LINGO2: variants seen among roughly 807,000 people sequenced by gnomAD.
LINGO2 encodes the protein leucine-rich repeat and immunoglobulin-like domain-containing nogo receptor-interacting protein 2.
A neutral mutation model predicts 30.6 loss-of-function variants in LINGO2; 14 were observed. The ratio of observed to expected loss-of-function variants is 0.46; its 90% CI spans 0.30 to 0.72. The LOEUF (loss-of-function observed/expected upper bound fraction) is 0.72. Among genes scored for constraint, LINGO2 ranks in the 30% least tolerant of loss-of-function variants. The pLI is 0.07. For synonymous variants in LINGO2, 317 were observed against 288.5 expected (o/e 1.10, Z -1.00); for missense variants, 729 against 751.7 (o/e 0.97, Z 0.35).
the LINGO2 span, among the ~76,000 whole-genome samples, chr9:28,846,188 T>C: frequency 1.6e-4 from 25 of 151,680 alleles, no homozygotes; most frequent in Admixed American, 8.5e-4. Flanking sequence ...CATTCTCACA[T>C]TGGCTTAAGT....
At chr9:28,720,838 T>A in the LINGO2 span, among the ~76,000 whole-genome samples, 1 of 151,916 alleles carries the variant, frequency 6.6e-6, no homozygotes, top group African/African-American at 2.4e-5. Flanking sequence ...AAGCACAGGT[T>A]TTTGCAATAT....
the LINGO2 span, among the ~76,000 whole-genome samples, chr9:28,730,110 C>T: frequency 6.6e-6 from 1 of 152,052 alleles, no homozygotes; most frequent in Non-Finnish European, 1.5e-5. Context: ...CAGACATATT[C>T]TCAAAAATGT....
At chr9:28,331,863 C>A (rs559352753) in intron 3 of LINGO2, among the ~76,000 whole-genome samples, 4 of 152,130 alleles carry the variant, frequency 2.6e-5, no homozygotes, top group Non-Finnish European at 4.4e-5. Context: ...TTGCTGATCA[C>A]CTTGCACATG....
At chr9:28,039,978 C>G (rs1222585443) in intron 4 of LINGO2, among the ~76,000 whole-genome samples, 8 of 152,122 alleles carry the variant, frequency 5.3e-5, no homozygotes, top group Non-Finnish European at 1.2e-4. Context: ...TCTTTGAAAA[C>G]AAACTATTAA....
chr9:28,596,014 G>A (rs1390601565), intron 1 of LINGO2, among the ~76,000 whole-genome samples: 2 of 152,106 alleles, frequency 1.3e-5, no homozygotes, highest in Non-Finnish European at 2.9e-5. Flanking sequence ...GTGAATACAT[G>A]TAAAACTAAA....
At position 28,054,375 on chromosome 9, in the gene LINGO2, C is replaced by T. The variant is rs558812092; in HGVS notation, c.-86-41970G>A. ...CTTTTACTTAGATGCTACAAGATGC[C>T]GAAAGATCAGTAGTAGCTGATGAGA... On this transcript the variant is annotated intron_variant, in intron 4 of 5. Transcript: ENST00000379992. Among the ~76,000 whole-genome samples, 192 of 152,072 alleles carry T rather than the reference C, an allele frequency of 1.3e-3. 1 individual carries two copies. Among genetic ancestry groups the T allele is most frequent in the African/African-American group, 4.5e-3 (187 of 41,478 alleles).
At chr9:29,049,232 C>T in the LINGO2 span, among the ~76,000 whole-genome samples, 1 of 152,148 alleles carries the variant, frequency 6.6e-6, no homozygotes, top group Non-Finnish European at 1.5e-5. Context: ...CATCATTGGT[C>T]ATTAGAGAAA....
At chr9:27,974,031 T>TG (rs1189552218) in intron 5 of LINGO2, among the ~76,000 whole-genome samples, 1 of 152,184 alleles carries the variant, frequency 6.6e-6, no homozygotes, top group Non-Finnish European at 1.5e-5. Context: ...TGGTGTTATA[T>TG]GGAGAGTCAG....
the LINGO2 span, among the ~76,000 whole-genome samples, chr9:28,969,067 A>G: frequency 6.6e-6 from 1 of 152,208 alleles, no homozygotes. Context: ...AAAATCATTA[A>G]AGAAAAAAAT....
At chr9:28,305,229 A>G (rs985930258) in intron 3 of LINGO2, among the ~76,000 whole-genome samples, 2 of 152,050 alleles carry the variant, frequency 1.3e-5, no homozygotes, top group Non-Finnish European at 2.9e-5. Context: ...AATTTCTTCA[A>G]CCTGATGAAG....
In LINGO2 at chr9:28,055,617, G is replaced by A. The variant is rs73643289; in HGVS notation, c.-86-43212C>T. ...CTCAAAATGTTTTCTCTCTATCATAGGCTTACATAAAAACGGCGTCTTGCT... is the reference window on the plus strand; with the variant it reads ...CTCAAAATGTTTTCTCTCTATCATAAGCTTACATAAAAACGGCGTCTTGCT... On this transcript the variant is annotated intron_variant, in intron 4 of 5. Transcript: ENST00000379992. Among the ~76,000 whole-genome samples the A allele has an allele frequency of 6.2e-3, 938 of 152,226 alleles. 5 individuals carry two copies. The highest frequency in any genetic ancestry group is 0.021 in the African/African-American group (877 of 41,530).
rs1004301708 is a variant in LINGO2, at chr9:28,556,390, C to T, written c.-364-80365G>A. ...GAGCCAAATCATTAGTGAACTCCCA[C>T]TCACAATTGCTTCAAAGAGAATAAA... On this transcript the variant is annotated intron_variant, in intron 1 of 5. Coordinates refer to ENST00000379992, the Ensembl canonical transcript of LINGO2. Among the ~76,000 whole-genome samples the T allele has an allele frequency of 2.6e-5, 4 of 152,046 alleles. No homozygotes were observed. In the South Asian group the frequency reaches 6.2e-4, roughly 24 times the overall value.
At chr9:28,151,264 T>A (rs958165239) in intron 4 of LINGO2, among the ~76,000 whole-genome samples, 8 of 152,048 alleles carry the variant, frequency 5.3e-5, no homozygotes, top group Non-Finnish European at 1.2e-4. Context: ...AGTAAGAGAT[T>A]GATAGAAAAA....
At chr9:28,309,294 A>G (rs1030187970) in intron 3 of LINGO2, among the ~76,000 whole-genome samples, 3 of 152,164 alleles carry the variant, frequency 2.0e-5, no homozygotes, top group African/African-American at 7.2e-5. Context: ...GACATGGATG[A>G]AATTGGAAAT....
chr9:28,478,709 A>G (rs1825819906), intron 1 of LINGO2, among the ~76,000 whole-genome samples: 1 of 152,238 alleles, frequency 6.6e-6, no homozygotes, highest in Non-Finnish European at 1.5e-5. Flanking sequence ...TCAACAATAC[A>G]TCACTAAGTA....
At chr9:29,149,949 C>T in the LINGO2 span, among the ~76,000 whole-genome samples, 1 of 152,114 alleles carries the variant, frequency 6.6e-6, no homozygotes, top group East Asian at 1.9e-4. Context: ...ACTGTCTGAC[C>T]GCTCCCACTG....
At chr9:29,158,790 AAG>A in the LINGO2 span, among the ~76,000 whole-genome samples, 1 of 151,800 alleles carries the variant, frequency 6.6e-6, no homozygotes, top group Non-Finnish European at 1.5e-5. Context: ...GAGAGAGAGA[AAG>A]AGAGAGCAAG....
chr9:28,766,905 A>T, the LINGO2 span, among the ~76,000 whole-genome samples: 1 of 152,136 alleles, frequency 6.6e-6, no homozygotes, highest in Non-Finnish European at 1.5e-5. Context: ...ATGAACATGG[A>T]GGACATTATG....
intron 1 of LINGO2, among the ~76,000 whole-genome samples, chr9:28,546,035 G>A (rs998935146): frequency 8.5e-5 from 13 of 152,050 alleles, no homozygotes; most frequent in African/African-American, 3.1e-4. Flanking sequence ...TCTTCATAAG[G>A]CACAGAAAGA....
Sources: gnomAD v4.1 joint callset for allele counts (sites outside exome capture counted in the v4.1 genomes callset) on GRCh38, gnomAD v4.1.1 for gene constraint, MANE v1.5 for transcripts, NCBI Gene and HGNC (gene_info 2026-07-23, HGNC 2026-07-21) for gene names.